The following ZZEF1 variants were observed in gnomAD, a reference collection of about 807,000 sequenced individuals.
The protein encoded by ZZEF1 is zinc finger ZZ-type and EF-hand domain containing 1, also known as zinc finger ZZ-type and EF-hand domain-containing protein 1.
A neutral mutation model predicts 342.8 loss-of-function variants in ZZEF1; 157 were observed. The observed-to-expected ratio is 0.46, with a 90% confidence interval of 0.40 to 0.52. The LOEUF (loss-of-function observed/expected upper bound fraction) is 0.52. Ranked by LOEUF, ZZEF1 falls within the 20% of genes least tolerant of loss-of-function variation. ZZEF1 has a pLI of 0.00. For synonymous variants in ZZEF1, 1,505 were observed against 1,429.1 expected (o/e 1.05, Z -1.20); for missense variants, 3,480 against 3,725.6 (o/e 0.93, Z 1.72).
At chr17:4,119,205 C>T (rs959696452) in intron 2 of ZZEF1, among the ~76,000 whole-genome samples, 4 of 152,354 alleles carry the variant, frequency 2.6e-5, no homozygotes, top group South Asian at 2.1e-4. Flanking sequence ...CAGCTACAAT[C>T]GGAGTCACCA....
At chr17:4,047,926 G>C (rs955925314) in intron 37 of ZZEF1, among the ~76,000 whole-genome samples, 1 of 151,976 alleles carries the variant, frequency 6.6e-6, no homozygotes, top group East Asian at 1.9e-4. Flanking sequence ...GGGCAACAGA[G>C]TGAGACCCTG....
At chr17:4,025,141 A>C (rs1438154838) in intron 42 of ZZEF1, 23 bp from the exon 43 acceptor site, 1 of 1,611,568 alleles carries the variant, frequency 6.2e-7, no homozygotes, top group Non-Finnish European at 8.5e-7. Flanking sequence ...ATCAGGCAGA[A>C]AAAGAAAGGC....
At chr17:4,018,045 G>T in intron 46 of ZZEF1, 74 bp from the exon 47 acceptor site, 1 of 1,571,952 alleles carries the variant, frequency 6.4e-7, no homozygotes. Flanking sequence ...TAAACTTGTT[G>T]GCAATGTTCT....
At chr17:4,046,559 C>T (rs1166650370) in intron 37 of ZZEF1, among the ~76,000 whole-genome samples, 1 of 152,200 alleles carries the variant, frequency 6.6e-6, no homozygotes, top group Non-Finnish European at 1.5e-5. Flanking sequence ...AACTCAGCCT[C>T]CCCTCTGCAT....
At chr17:4,053,735 A>G (rs927185113) in intron 34 of ZZEF1, among the ~76,000 whole-genome samples, 1 of 152,196 alleles carries the variant, frequency 6.6e-6, no homozygotes, top group African/African-American at 2.4e-5. Context: ...GTGCGTGTGT[A>G]TTTTGCTACA....
chr17:4,117,685 A>G (rs961729479), intron 2 of ZZEF1, among the ~76,000 whole-genome samples: 3 of 148,932 alleles, frequency 2.0e-5, no homozygotes, highest in Non-Finnish European at 4.5e-5. Flanking sequence ...ATTTAATTTT[A>G]GTTGAAAAAT....
chr17:4,105,503 A>G (rs747791851), intron 7 of ZZEF1, among the ~76,000 whole-genome samples, 190 bp downstream of exon 7: 2 of 152,224 alleles, frequency 1.3e-5, no homozygotes, highest in Non-Finnish European at 2.9e-5. Flanking sequence ...CCAATTCTTC[A>G]GGTCAGGTGA....
intron 3 of ZZEF1, among the ~76,000 whole-genome samples, chr17:4,116,021 G>C (rs932525331): frequency 6.6e-6 from 1 of 152,154 alleles, no homozygotes; most frequent in Non-Finnish European, 1.5e-5. Flanking sequence ...TGAATGGAAT[G>C]TATTAAGAAT....
At chr17:4,033,045 A>G in intron 40 of ZZEF1, 43 bp from the exon 41 acceptor site, 1 of 1,526,900 alleles carries the variant, frequency 6.5e-7, no homozygotes, top group Non-Finnish European at 8.8e-7. Context: ...ACAGGGCTCC[A>G]AACTCAACTC....
chr17:4,091,404 T>C (rs942841765), intron 11 of ZZEF1, among the ~76,000 whole-genome samples: 2 of 152,244 alleles, frequency 1.3e-5, no homozygotes, highest in African/African-American at 4.8e-5. Flanking sequence ...GCTGAAGAGA[T>C]GTCTTCTCTT....
At chr17:4,088,945 T>A (rs1567831519) in intron 12 of ZZEF1, 52 bp from the exon 13 acceptor site, 1 of 1,572,790 alleles carries the variant, frequency 6.4e-7, no homozygotes, top group South Asian at 1.1e-5. Context: ...CCCTGAATAT[T>A]GATTAAAGAG....
At chr17:4,060,581 C>A (rs370749513) in intron 30 of ZZEF1, among the ~76,000 whole-genome samples, 8 of 148,152 alleles carry the variant, frequency 5.4e-5, no homozygotes, top group Non-Finnish European at 9.0e-5. Flanking sequence ...ACAACAACAA[C>A]AAAAAACAAA....
intron 1 of ZZEF1, among the ~76,000 whole-genome samples, chr17:4,134,510 A>C (rs965202074): frequency 1.3e-5 from 2 of 151,952 alleles, no homozygotes; most frequent in African/African-American, 4.8e-5. Flanking sequence ...GCAATGTAAT[A>C]GGTGTGACAA....
chr17:4,059,133 C>A, intron 31 of ZZEF1, 38 bp downstream of exon 31: 1 of 1,294,358 alleles, frequency 7.7e-7, no homozygotes, highest in Non-Finnish European at 1.0e-6. Context: ...GAAAAAAATA[C>A]ATTTTTTTTC....
chr17:4,047,958 T>A (rs968296714), intron 37 of ZZEF1, among the ~76,000 whole-genome samples: 1 of 151,932 alleles, frequency 6.6e-6, no homozygotes, highest in African/African-American at 2.4e-5. Flanking sequence ...ATAAGAAAAG[T>A]AATAGATTTT....
At chr17:4,015,474 G>A (rs796454943) in intron 49 of ZZEF1, among the ~76,000 whole-genome samples, 3 of 152,206 alleles carry the variant, frequency 2.0e-5, no homozygotes, top group South Asian at 2.1e-4. Context: ...TTTTAAAAGC[G>A]CTAATGGGGG....
chr17:4,138,996 C>T (rs1314127821), intron 1 of ZZEF1, among the ~76,000 whole-genome samples: 1 of 146,806 alleles, frequency 6.8e-6, no homozygotes, highest in African/African-American at 2.6e-5. Flanking sequence ...TTCTTTATAA[C>T]ACCTCCTCAA....
Position 4,075,252 on chromosome 17 carries a change from A to T in ZZEF1, c.3401+11T>A, listed in dbSNP as rs373649290. ...TTAGCGCTTGGGGGTGAAAGAATAT[A>T]GAAGTCTTACCTTTTTTCAGTTTCA... On this transcript the variant is annotated intron_variant, in intron 22 of 54. Coordinates refer to ENST00000381638, the MANE Select transcript of ZZEF1 (RefSeq NM_015113.4). 126 of 1,614,006 alleles carry T rather than the reference A, an allele frequency of 7.8e-5. No individual in the cohort carries two copies. The African/African-American group carries it at 1.6e-3, about 20-fold the overall frequency.
chr17:4,078,680 T>C (rs1159848321), intron 18 of ZZEF1, among the ~76,000 whole-genome samples: 1 of 152,228 alleles, frequency 6.6e-6, no homozygotes, highest in Non-Finnish European at 1.5e-5. Flanking sequence ...ATACTGGGAA[T>C]GTCTAGTCCT....
Sources: gnomAD v4.1 joint callset for allele counts (sites outside exome capture counted in the v4.1 genomes callset) on GRCh38, gnomAD v4.1.1 for gene constraint, MANE v1.5 for transcripts, NCBI Gene and HGNC (gene_info 2026-07-23, HGNC 2026-07-21) for gene names.